Variants in ECH1 observed in about 807,000 individuals in gnomAD.
ECH1 encodes the protein delta(3,5)-Delta(2,4)-dienoyl-CoA isomerase, mitochondrial.
In ECH1, 30 loss-of-function variants were observed where a neutral mutation model predicts 37.0. The ratio of observed to expected loss-of-function variants is 0.81; its 90% CI spans 0.61 to 1.10. ECH1 has a LOEUF of 1.10. Ranked by LOEUF, ECH1 falls within the 50% of genes least tolerant of loss-of-function variation. The probability of loss-of-function intolerance (pLI) is 0.00; values close to 1 mark genes in which losing one functional copy is unlikely to be tolerated. For synonymous variants in ECH1, 178 were observed against 176.0 expected (o/e 1.01, Z -0.09); for missense variants, 456 against 441.6 (o/e 1.03, Z -0.29).
At chr19:38,827,418 G>A (rs1971755412) in intron 3 of ECH1, among the ~76,000 whole-genome samples, 1 of 152,142 alleles carries the variant, frequency 6.6e-6, no homozygotes, top group African/African-American at 2.4e-5. Flanking sequence ...GCACTGGGCA[G>A]ATTCTGGAGG....
chr19:38,830,320 C>T (rs10401746), intron 3 of ECH1, among the ~76,000 whole-genome samples: 11,003 of 152,114 alleles, frequency 0.072, 1,155 homozygotes, highest in African/African-American at 0.24. Flanking sequence ...AATAGTTGCA[C>T]GAAAGCATGT....
At chr19:38,816,242 C>T (rs1971573266) in intron 8 of ECH1, 42 bp downstream of exon 8, 2 of 1,608,052 alleles carry the variant, frequency 1.2e-6, no homozygotes. Context: ...CCCTCCAGGC[C>T]TGGCTGCCCC....
intron 3 of ECH1, among the ~76,000 whole-genome samples, chr19:38,829,556 G>A (rs138581702): frequency 1.3e-5 from 2 of 152,032 alleles, no homozygotes; most frequent in African/African-American, 2.4e-5. Context: ...GGTAGCTCAC[G>A]CCTGTAATCT....
rs767402572 is a variant in ECH1, at chr19:38,815,874, C to T, written c.865G>A (p.Glu289Lys). Residue 289 changes from glutamate to lysine, a missense_variant, in exon 9 of 10, where the codon GAG becomes AAG. Coordinates refer to ENST00000221418, the MANE Select transcript of ECH1 (RefSeq NM_001398.3). ...LLYSRDHSVA[E>K]SLNYVASWNM... ...CACCTTACCACGTAGTTGAGGCTCT[C>T]GGCCACCGAATGGTCGCGGGAATAC... 7 of 1,614,178 alleles carry T rather than the reference C, an allele frequency of 4.3e-6. No homozygotes were observed. Among genetic ancestry groups the T allele is most frequent in the Non-Finnish European group, 5.9e-6 (7 of 1,180,018 alleles).
intron 3 of ECH1, chr19:38,822,858 C>T (rs984539772): frequency 6.6e-6 from 1 of 152,384 alleles, no homozygotes; most frequent in Admixed American, 6.5e-5. Context: ...ACTCACGTCC[C>T]CTTCCATGCT....
At chr19:38,829,285 CAA>C (rs35813067) in intron 3 of ECH1, among the ~76,000 whole-genome samples, 903 of 64,210 alleles carry the variant, frequency 0.014, 19 homozygotes, top group African/African-American at 0.048. Context: ...ACTCCTTCTC[CAA>C]AAAAAAAAAA....
At chr19:38,829,949 A>C (rs747879624) in intron 3 of ECH1, among the ~76,000 whole-genome samples, 3 of 152,100 alleles carry the variant, frequency 2.0e-5, no homozygotes, top group Non-Finnish European at 4.4e-5. Flanking sequence ...TGAGGTCAGG[A>C]GTTTAAGACC....
chr19:38,819,603 A>T (rs554184973), intron 3 of ECH1, among the ~76,000 whole-genome samples: 1 of 152,204 alleles, frequency 6.6e-6, no homozygotes, highest in Admixed American at 6.6e-5. Flanking sequence ...AATGATCAAT[A>T]CAGACAACAG....
In ECH1 at chr19:38,817,798, C is replaced by T. The variant is rs528343792; in HGVS notation, c.350-223G>A. On this transcript the variant is annotated intron_variant, in intron 3 of 9. Coordinates refer to ENST00000221418, the MANE Select transcript of ECH1 (RefSeq NM_001398.3). Reference sequence around the variant, plus strand: ...TTACTCACAGAATCCTCACAGCAACCGTACCAGCTAGGTCCTATTACTATT... The same window carrying T: ...TTACTCACAGAATCCTCACAGCAACTGTACCAGCTAGGTCCTATTACTATT... The T allele has an allele frequency of 1.6e-4, 159 of 971,736 alleles. 1 individual carries two copies. In the South Asian group the frequency reaches 4.7e-3, roughly 29 times the overall value. The allele number at this position is 971,736 out of a possible 1,614,324, so 60.2% of individuals were successfully genotyped here. A position where few individuals can be genotyped will look rare whatever the true frequency, so the allele number is the denominator to read the frequency against.
chr19:38,816,655 C>A, intron 6 of ECH1, 132 bp from the exon 7 acceptor site: 2 of 1,121,936 alleles, frequency 1.8e-6, no homozygotes, highest in Non-Finnish European at 2.6e-6. Context: ...CTCCAAAGTC[C>A]CATTCCATTG....
chr19:38,827,888 C>A (rs1971761359), intron 3 of ECH1, among the ~76,000 whole-genome samples: 1 of 151,962 alleles, frequency 6.6e-6, no homozygotes, highest in African/African-American at 2.4e-5. Flanking sequence ...GTTTTTAAAT[C>A]TTTTGCTGGG....
rs776920494 is a variant in ECH1, at chr19:38,831,748, G to A, written c.25C>T (p.Arg9Cys). 1.8e-5 allele frequency: 29 copies of A among 1,612,862 alleles called. No individual in the cohort carries two copies. The highest frequency in any genetic ancestry group is 2.4e-5 in the Non-Finnish European group (28 of 1,179,768). Residue 9 changes from arginine to cysteine, a missense_variant, in exon 1 of 10, where the codon CGC (arginine) becomes TGC (cysteine). Physicochemically the swap from Arg to Cys is radical, Grantham distance 180. Coordinates refer to ENST00000221418, the MANE Select transcript of ECH1 (RefSeq NM_001398.3). MAAGIVAS[R>C]RLRDLLTRRL... ...CGGGTCAGTAGGTCGCGGAGTCTGC[G>A]AGAAGCCACTATCCCCGCCGCCATC...
chr19:38,815,786 G>A lies in ECH1; in HGVS notation c.883-69C>T, dbSNP rs1971564291. ...AGGGGCCAATCAGGATAAAGCATGA[G>A]AGCACCCTGCACCCTGGTTGGTCGC... On this transcript the variant is annotated intron_variant, in intron 9 of 9. Transcript: ENST00000221418. 6.2e-6 allele frequency: 10 copies of A among 1,613,318 alleles called. No individual in the cohort carries two copies. In the Admixed American group the frequency reaches 6.7e-5, roughly 11 times the overall value.
chr19:38,815,931 C>T lies in ECH1; in HGVS notation c.808G>A (p.Val270Met), dbSNP rs150833592. ...TTGACCTTGGTGCTCTGCACCGCCA[C>T]GGGGCTCTTGCTGGAAATCTCGGCC... Reference protein sequence around the residue: ...LAAEISSKSPVAVQSTKVNLL... With the variant: ...LAAEISSKSPMAVQSTKVNLL... The change falls in exon 9 of 10, where the codon GTG becomes ATG. Residue 270 changes from valine to methionine, a missense_variant. By Grantham distance (21) the Val-to-Met change is conservative. Coordinates refer to ENST00000221418, the MANE Select transcript of ECH1 (RefSeq NM_001398.3). 2.4e-5 allele frequency: 38 copies of T among 1,614,148 alleles called. No individual in the cohort carries two copies. Among genetic ancestry groups the T allele is most frequent in the East Asian group, 6.7e-5 (3 of 44,884 alleles).
At chr19:38,818,114 TCCCAAAG>T in intron 3 of ECH1, 1 of 682,824 alleles carries the variant, frequency 1.5e-6, no homozygotes, top group Non-Finnish European at 1.8e-6. Flanking sequence ...CACCTTGGCA[TCCCAAAG>T]CACTGGGATT....
Position 38,831,032 on chromosome 19 carries a change from C to A in ECH1, c.349+46G>T, listed in dbSNP as rs749653753. The A allele has an allele frequency of 1.0e-5, 16 of 1,568,290 alleles. No homozygotes were observed. In the Admixed American group the frequency reaches 2.3e-4, roughly 23 times the overall value. On this transcript the variant is annotated intron_variant, in intron 3 of 9. Transcript: ENST00000221418. ...AGAAGCACTGCTCCACTGTCTATTG[C>A]CAGGAGCTAGGAAGGCTGGCAGGGT...
At chr19:38,827,433 G>T (rs1022132379) in intron 3 of ECH1, among the ~76,000 whole-genome samples, 8 of 151,970 alleles carry the variant, frequency 5.3e-5, no homozygotes, top group African/African-American at 1.9e-4. Flanking sequence ...TGGAGGGAGT[G>T]ACCACTTAGG....
In ECH1 at chr19:38,819,924, C is replaced by T. The variant is rs187426060; in HGVS notation, c.350-2349G>A. On this transcript the variant is annotated intron_variant, in intron 3 of 9. Coordinates refer to ENST00000221418, the MANE Select transcript of ECH1 (RefSeq NM_001398.3). ...CTATGATCGCGCCACTGCACTCCAG[C>T]CTGGGCGACAGAGCAAGACCCTGGC... Among the ~76,000 whole-genome samples, 329 of 151,796 alleles carry T rather than the reference C, an allele frequency of 2.2e-3. 2 individuals are homozygous for T. The highest frequency in any genetic ancestry group is 7.4e-3 in the African/African-American group (305 of 41,388).
chr19:38,829,417 C>A (rs1380390023), intron 3 of ECH1, among the ~76,000 whole-genome samples: 1 of 151,800 alleles, frequency 6.6e-6, no homozygotes, highest in Non-Finnish European at 1.5e-5. Flanking sequence ...GCCAAAATTG[C>A]ATCACTATAC....
Sources: allele counts gnomAD v4.1 joint callset (sites outside exome capture counted in the v4.1 genomes callset), GRCh38; gene constraint gnomAD v4.1.1; transcripts MANE v1.5; gene names NCBI Gene and HGNC (gene_info 2026-07-23, HGNC 2026-07-21).